MEA1: variants seen among roughly 807,000 people sequenced by gnomAD.
MEA1 encodes Male-enhanced antigen (H-Y structural gene).
MEA1 carries 22 observed loss-of-function variants against 21.4 expected under a neutral mutation model. The ratio of observed to expected loss-of-function variants is 1.03; its 90% CI spans 0.73 to 1.47. MEA1 has a LOEUF of 1.47. Ranked by LOEUF, MEA1 falls within the 40% of genes most tolerant of loss-of-function variation. The pLI, the probability that MEA1 is intolerant of heterozygous loss-of-function variation, is 0.00. For missense variants in MEA1, 233 were observed against 230.5 expected, an observed-to-expected ratio of 1.01 and a Z score of -0.07; for synonymous variants, 91 against 85.5, an observed-to-expected ratio of 1.06 and a Z score of -0.35.
upstream of MEA1, chr6:43,014,467 G>A (rs1427099543): frequency 3.8e-6 from 2 of 523,100 alleles, no homozygotes; most frequent in South Asian, 3.1e-5. Flanking sequence ...GAGGGAGCTA[G>A]GGGGATGATG....
upstream of MEA1, among the ~76,000 whole-genome samples, chr6:43,015,968 G>A (rs868174279): frequency 4.7e-5 from 7 of 150,024 alleles, no homozygotes; most frequent in South Asian, 8.4e-4. Flanking sequence ...ACAGAGTCTC[G>A]CTCTGTCGCC....
chr6:43,016,016 A>T (rs578074548), upstream of MEA1, among the ~76,000 whole-genome samples: 570 of 148,870 alleles, frequency 3.8e-3, 4 homozygotes, highest in African/African-American at 0.013. Flanking sequence ...GCTCACTCCA[A>T]CCTCCGCCAC....
At chr6:43,014,215 A>G (rs1762498115), upstream of MEA1, 1 of 1,271,002 alleles carries the variant, frequency 7.9e-7, no homozygotes, top group African/African-American at 1.5e-5. Context: ...ACGTGCGCGC[A>G]CAGCTGCCCG....
chr6:43,014,967 G>T (rs78425469), upstream of MEA1, among the ~76,000 whole-genome samples: 1,146 of 152,298 alleles, frequency 7.5e-3, 16 homozygotes, highest in African/African-American at 0.026. Context: ...GCCCCTGAGC[G>T]CCTGGGGGCT....
At chr6:43,013,676 C>T in intron 1 of MEA1, 110 bp downstream of exon 1, 1 of 1,193,230 alleles carries the variant, frequency 8.4e-7, no homozygotes, top group East Asian at 2.5e-5. Flanking sequence ...AACCCCGGCT[C>T]CCCGCGCCAC....
upstream of MEA1, chr6:43,014,712 G>C (rs1019443414): frequency 1.0e-4 from 45 of 435,608 alleles, no homozygotes; most frequent in African/African-American, 8.9e-4. Context: ...GGGGTATCGT[G>C]GTCAGTGCAT....
At position 43,011,176 on chromosome 6, in the gene MEA1, GTGC is replaced by G; in HGVS notation, c.*1291_*1293del. Reference sequence around the variant, plus strand: ...GCTAAAAGACATCAAGAAGGAGAAAGTGCTGCTGCGGAGGAAGTCGGAGCTGCC... The same window carrying G: ...GCTAAAAGACATCAAGAAGGAGAAAGTGCTGCGGAGGAAGTCGGAGCTGCC... On this transcript the variant is annotated 3_prime_UTR_variant, in exon 4 of 4. Transcript: ENST00000244711. 1 of 1,614,148 alleles carries G rather than the reference GTGC, an allele frequency of 6.2e-7. No individual in the cohort carries two copies. Among genetic ancestry groups the G allele is most frequent in the Non-Finnish European group, 8.5e-7 (1 of 1,180,022 alleles).
chr6:43,015,261 C>G (rs1250104091), upstream of MEA1, among the ~76,000 whole-genome samples: 3 of 151,074 alleles, frequency 2.0e-5, no homozygotes, highest in African/African-American at 4.9e-5. Flanking sequence ...GGTCCCATGG[C>G]TATTTAAAGC....
At chr6:43,012,856 C>G in intron 3 of MEA1, 70 bp downstream of exon 3, 1 of 1,457,018 alleles carries the variant, frequency 6.9e-7, no homozygotes, top group Non-Finnish European at 9.6e-7. Context: ...TCCTCTGAAA[C>G]TTCCTTCTAC....
upstream of MEA1, chr6:43,014,409 A>T: frequency 1.4e-5 from 6 of 428,782 alleles, no homozygotes; most frequent in Non-Finnish European, 2.2e-5. Flanking sequence ...TGCTGTCTGG[A>T]GCTGGAGTGG....
At chr6:43,015,164 C>CA, upstream of MEA1, among the ~76,000 whole-genome samples, 1 of 152,194 alleles carries the variant, frequency 6.6e-6, no homozygotes, top group Non-Finnish European at 1.5e-5. Context: ...GACCTCCTAA[C>CA]AGTCTCCACA....
At chr6:43,015,772 C>T (rs959602553), upstream of MEA1, among the ~76,000 whole-genome samples, 5 of 150,594 alleles carry the variant, frequency 3.3e-5, no homozygotes, top group Non-Finnish European at 7.4e-5. Flanking sequence ...ATCGCTTGAA[C>T]CCGGGAGGGA....
Position 43,013,886 on chromosome 6 carries a change from C to G in MEA1, c.-73G>C, listed in dbSNP as rs1762480255. ...ATCCGAATCCCGGCGCCGGTGTTCCCGCGCGCCTCACCCGCTCAGAGCCCG... is the reference window on the plus strand; with the variant it reads ...ATCCGAATCCCGGCGCCGGTGTTCCGGCGCGCCTCACCCGCTCAGAGCCCG... On this transcript the variant is annotated 5_prime_UTR_variant, in exon 1 of 4. Transcript: ENST00000244711. 3 of 1,511,638 alleles carry G rather than the reference C, an allele frequency of 2.0e-6. No individual in the cohort carries two copies. Among genetic ancestry groups the G allele is most frequent in the Admixed American group, 2.3e-5 (1 of 43,932 alleles). 93.6% of individuals were successfully genotyped at this position (1,511,638 alleles called of 1,614,324 possible). A position where few individuals can be genotyped will look rare whatever the true frequency, so the allele number is the denominator to read the frequency against.
intron 1 of MEA1, 179 bp from the exon 2 acceptor site, chr6:43,013,568 TTCTTA>T (rs1561856591): frequency 1.2e-6 from 1 of 841,864 alleles, no homozygotes. Context: ...TAAGTCGGGG[TTCTTA>T]TCTTGAACCA....
upstream of MEA1, chr6:43,016,757 G>A (rs988252468): frequency 5.9e-6 from 1 of 170,040 alleles, no homozygotes; most frequent in African/African-American, 2.4e-5. Flanking sequence ...GATTCTTAGA[G>A]AGGTGGCAGT....
chr6:43,011,325 C>T lies in MEA1; in HGVS notation c.*1145G>A, dbSNP rs754448132. 3.7e-6 allele frequency: 6 copies of T among 1,611,812 alleles called. No homozygotes were observed. The Admixed American group carries it at 5.0e-5, about 13-fold the overall frequency. On this transcript the variant is annotated 3_prime_UTR_variant, in exon 4 of 4. Transcript: ENST00000244711. ...TACCACAGGGCCACAGCCCACACAG[C>T]CCTGGGACACTGCCCTGGCCCTCCA...
rs759576509 is a variant in MEA1 at position 43,013,816 on chromosome 6, G to A, written c.-3C>T. On this transcript the variant is annotated 5_prime_UTR_variant, in exon 1 of 4. Coordinates refer to ENST00000244711, the MANE Select transcript of MEA1 (RefSeq NM_014623.4). ...GACAGATGCCTTTCAGGCCCCATGGGCTCCCCTCAAATGGCCCCAGCTGCA... is the reference window on the plus strand; with the variant it reads ...GACAGATGCCTTTCAGGCCCCATGGACTCCCCTCAAATGGCCCCAGCTGCA... The A allele has an allele frequency of 1.2e-6, 2 of 1,607,252 alleles. No individual in the cohort carries two copies.
Position 43,011,259 on chromosome 6 carries a change from C to T in MEA1, c.*1211G>A. On this transcript the variant is annotated 3_prime_UTR_variant, in exon 4 of 4. Transcript: ENST00000244711. ...AGGCGCACAAGCGGGCGGAAGAGTT[C>T]CTAACTGCCAGCCAGGAGGCTCTCT... 1.2e-6 allele frequency: 2 copies of T among 1,614,072 alleles called. No homozygotes were observed. The highest frequency in any genetic ancestry group is 1.7e-6 in the Non-Finnish European group (2 of 1,180,006).
Position 43,012,950 on chromosome 6 carries a change from GGTT to G in MEA1, c.379_381del (p.Asn127del). The G allele has an allele frequency of 6.2e-7, 1 of 1,614,046 alleles. No homozygotes were observed. The highest frequency in any genetic ancestry group is 1.1e-5 in the South Asian group (1 of 91,078). ...CCTGGGTCCATGGGAATAGAGCTGT[GGTT>G]GTTCAACGCTGTAGCTCCCTCCTCA... is the stretch of plus-strand genomic sequence containing the variant. On this transcript the variant is annotated inframe_deletion, in exon 3 of 4. Coordinates refer to ENST00000244711, the MANE Select transcript of MEA1 (RefSeq NM_014623.4).
Sources: gnomAD v4.1 joint callset for allele counts (sites outside exome capture counted in the v4.1 genomes callset) on GRCh38, gnomAD v4.1.1 for gene constraint, MANE v1.5 for transcripts, NCBI Gene and HGNC (gene_info 2026-07-23, HGNC 2026-07-21) for gene names.